The following IGF2BP3 variants were observed in gnomAD, a reference collection of about 807,000 sequenced individuals.
IGF2BP3 encodes the protein insulin like growth factor 2 mRNA binding protein 3, also known as insulin-like growth factor 2 mRNA-binding protein 3.
IGF2BP3 carries 9 observed loss-of-function variants against 73.8 expected under a neutral mutation model. The observed-to-expected ratio is 0.12, with a 90% CI of 0.07 to 0.21. The LOEUF (loss-of-function observed/expected upper bound fraction) is 0.21, where lower values mean the gene tolerates loss of function less well. IGF2BP3 is among the 10% of genes least tolerant of loss of function. IGF2BP3 has a pLI of 1.00. For synonymous variants in IGF2BP3, 258 were observed against 256.7 expected (o/e 1.01, Z -0.05); for missense variants, 542 against 714.0 (o/e 0.76, Z 2.75).
At chr7:23,412,061 C>A (rs1787042075) in intron 3 of IGF2BP3, among the ~76,000 whole-genome samples, 2 of 148,426 alleles carry the variant, frequency 1.3e-5, no homozygotes, top group South Asian at 2.1e-4. Context: ...CAGCTCACTG[C>A]AACCTCTGCA....
chr7:23,424,013 G>A (rs1787426788), intron 2 of IGF2BP3, among the ~76,000 whole-genome samples: 1 of 152,106 alleles, frequency 6.6e-6, no homozygotes, highest in South Asian at 2.1e-4. Flanking sequence ...AGCTACTCAG[G>A]AGGCTGAGGC....
intron 7 of IGF2BP3, among the ~76,000 whole-genome samples, chr7:23,346,661 C>G (rs1172869581): frequency 6.6e-6 from 1 of 151,330 alleles, no homozygotes; most frequent in Non-Finnish European, 1.5e-5. Context: ...GGCGCGATCT[C>G]GGCTCACTGC....
chr7:23,468,331 C>A, intron 2 of IGF2BP3, 151 bp downstream of exon 2: 1 of 785,540 alleles, frequency 1.3e-6, no homozygotes, highest in Non-Finnish European at 2.2e-6. Flanking sequence ...ACACACACCC[C>A]CGCCATAAAC....
intron 2 of IGF2BP3, among the ~76,000 whole-genome samples, chr7:23,422,311 T>C (rs1299122218): frequency 6.6e-6 from 1 of 152,206 alleles, no homozygotes; most frequent in Non-Finnish European, 1.5e-5. Context: ...TTTTGTTTAT[T>C]AAGAGTAATC....
chr7:23,331,265 A>G (rs555741833), intron 10 of IGF2BP3, among the ~76,000 whole-genome samples: 3 of 152,322 alleles, frequency 2.0e-5, no homozygotes, highest in African/African-American at 7.2e-5. Flanking sequence ...TTGACTTAGA[A>G]GTTCTATTAC....
chr7:23,437,976 G>A (rs1313612983), intron 2 of IGF2BP3, among the ~76,000 whole-genome samples: 4 of 152,108 alleles, frequency 2.6e-5, no homozygotes, highest in Admixed American at 6.5e-5. Context: ...TCCATGCTAC[G>A]TCTACCTTTA....
chr7:23,404,844 G>A (rs191353359), intron 3 of IGF2BP3, among the ~76,000 whole-genome samples: 1 of 152,232 alleles, frequency 6.6e-6, no homozygotes, highest in East Asian at 1.9e-4. Context: ...AGCATTAATA[G>A]TGCCCTGTCA....
chr7:23,431,232 A>G (rs1201455471), intron 2 of IGF2BP3: 1 of 152,204 alleles, frequency 6.6e-6, no homozygotes, highest in Non-Finnish European at 1.5e-5. Flanking sequence ...TTTGTGTTTT[A>G]TAAAATGAAC....
At chr7:23,341,938 A>G in intron 10 of IGF2BP3, 126 bp downstream of exon 10, 2 of 1,097,598 alleles carry the variant, frequency 1.8e-6, no homozygotes, top group East Asian at 6.2e-5. Context: ...AAAGGGCCAA[A>G]TAAGAAGGCT....
chr7:23,390,019 A>G (rs1786222413), intron 3 of IGF2BP3, among the ~76,000 whole-genome samples: 2 of 152,144 alleles, frequency 1.3e-5, no homozygotes, highest in African/African-American at 2.4e-5. Flanking sequence ...GGTCAAAGAT[A>G]GGCAAATATG....
Position 23,310,816 on chromosome 7 carries a change from G to A in IGF2BP3, c.*1546C>T, listed in dbSNP as rs1454776342. 1 of 151,772 alleles carries A rather than the reference G, an allele frequency of 6.6e-6. No individual in the cohort carries two copies. The highest frequency in any genetic ancestry group is 6.6e-5 in the Admixed American group (1 of 15,252). 9.4% of individuals were successfully genotyped at this position (151,772 alleles called of 1,614,324 possible). A position where few individuals can be genotyped will look rare whatever the true frequency, so the allele number is the denominator to read the frequency against. On this transcript the variant is annotated 3_prime_UTR_variant, in exon 15 of 15. Transcript: ENST00000258729. ...TTTTTTTTTAAAGGGTTATATATAT[G>A]TCCTTTAGATCAGTGTAACATGACT...
intron 10 of IGF2BP3, among the ~76,000 whole-genome samples, chr7:23,322,809 T>C (rs1784194392): frequency 1.3e-5 from 2 of 152,126 alleles, no homozygotes; most frequent in African/African-American, 4.8e-5. Flanking sequence ...GAATTTCATA[T>C]CCAGCCAAAC....
At chr7:23,314,486 A>C (rs1200968962) in intron 12 of IGF2BP3, among the ~76,000 whole-genome samples, 1 of 151,206 alleles carries the variant, frequency 6.6e-6, no homozygotes, top group Admixed American at 6.6e-5. Flanking sequence ...TGCGCCACTA[A>C]TTTTTATAGA....
intron 10 of IGF2BP3, among the ~76,000 whole-genome samples, chr7:23,341,788 A>T (rs940913578): frequency 1.4e-4 from 21 of 152,034 alleles, no homozygotes; most frequent in Admixed American, 2.6e-4. Context: ...AAGAAAAAAA[A>T]TTTTTTTAAA....
At chr7:23,359,680 CTACAAAAAAAA>C (rs1430924933) in intron 5 of IGF2BP3, among the ~76,000 whole-genome samples, 3 of 151,746 alleles carry the variant, frequency 2.0e-5, no homozygotes, top group African/African-American at 7.3e-5. Context: ...AACCCCATGT[CTACAAAAAAAA>C]TACAAAAAAA....
intron 7 of IGF2BP3, 142 bp downstream of exon 7, chr7:23,347,458 G>T: frequency 1.3e-6 from 1 of 787,328 alleles, no homozygotes; most frequent in Non-Finnish European, 2.1e-6. Flanking sequence ...TTCACAACCA[G>T]ATCAACAGTG....
At chr7:23,398,434 G>T (rs1352566771) in intron 3 of IGF2BP3, among the ~76,000 whole-genome samples, 1 of 152,114 alleles carries the variant, frequency 6.6e-6, no homozygotes, top group East Asian at 1.9e-4. Context: ...ACCCAGTAAT[G>T]GGATGGCTGG....
chr7:23,459,721 C>G (rs533052415), intron 2 of IGF2BP3, among the ~76,000 whole-genome samples: 40 of 152,142 alleles, frequency 2.6e-4, no homozygotes, highest in African/African-American at 9.6e-4. Flanking sequence ...ATCTCAGTTA[C>G]TCGGGAGGCT....
At chr7:23,401,087 A>T (rs1446940085) in intron 3 of IGF2BP3, among the ~76,000 whole-genome samples, 1 of 152,134 alleles carries the variant, frequency 6.6e-6, no homozygotes, top group Non-Finnish European at 1.5e-5. Flanking sequence ...GTGAGCTATC[A>T]CGCCCAGCCC....
Sources: allele counts gnomAD v4.1 joint callset (sites outside exome capture counted in the v4.1 genomes callset), GRCh38; gene constraint gnomAD v4.1.1; transcripts MANE v1.5; gene names NCBI Gene and HGNC (gene_info 2026-07-23, HGNC 2026-07-21).